The following NPEPPS variants were observed in gnomAD, a reference collection of about 807,000 sequenced individuals.
NPEPPS encodes aminopeptidase puromycin sensitive, also known as puromycin-sensitive aminopeptidase.
Under a neutral mutation model 115.5 loss-of-function variants are expected in NPEPPS, and 14 were observed. That is an observed-to-expected ratio of 0.12 (90% CI 0.08 to 0.19). NPEPPS has a LOEUF of 0.19. Ranked by LOEUF, NPEPPS falls within the 10% of genes least tolerant of loss-of-function variation. The probability of loss-of-function intolerance (pLI) is 1.00; values close to 1 mark genes in which losing one functional copy is unlikely to be tolerated. For missense variants in NPEPPS, 523 were observed against 1,110.8 expected, an observed-to-expected ratio of 0.47 and a Z score of 7.52; for synonymous variants, 285 against 390.6, an observed-to-expected ratio of 0.73 and a Z score of 3.19.
At chr17:47,540,939 C>T (rs971304893) in intron 1 of NPEPPS, among the ~76,000 whole-genome samples, 1 of 152,066 alleles carries the variant, frequency 6.6e-6, no homozygotes, top group African/African-American at 2.4e-5. Context: ...TCCCTCCCAC[C>T]CTTCCAGAAA....
At chr17:47,557,893 C>T (rs1414325922) in intron 2 of NPEPPS, among the ~76,000 whole-genome samples, 1 of 147,806 alleles carries the variant, frequency 6.8e-6, no homozygotes, top group African/African-American at 2.4e-5. Context: ...CTTTTCTCTC[C>T]TTTTCCTTGC....
chr17:47,534,516 T>C (rs1213222662), intron 1 of NPEPPS, among the ~76,000 whole-genome samples: 2 of 152,198 alleles, frequency 1.3e-5, no homozygotes, highest in Non-Finnish European at 2.9e-5. Context: ...CCCAGAGTAT[T>C]TGTGTAGGTT....
intron 21 of NPEPPS, chr17:47,619,503 G>A (rs2143990003): frequency 1.9e-6 from 1 of 538,812 alleles, no homozygotes; most frequent in Non-Finnish European, 3.3e-6. Context: ...GTGGTGAGCC[G>A]AGATGAGGTC....
chr17:47,617,394 G>C (rs987971824), intron 19 of NPEPPS, among the ~76,000 whole-genome samples: 1 of 151,862 alleles, frequency 6.6e-6, no homozygotes, highest in Non-Finnish European at 1.5e-5. Flanking sequence ...GTCTTGCTCT[G>C]TTGTCCAGAC....
intron 2 of NPEPPS, among the ~76,000 whole-genome samples, chr17:47,558,667 G>C (rs1910223854): frequency 6.6e-6 from 1 of 152,220 alleles, no homozygotes; most frequent in Admixed American, 6.5e-5. Flanking sequence ...GTCCTCAGGT[G>C]ATCTGCCTGC....
intron 17 of NPEPPS, 61 bp from the exon 18 acceptor site, chr17:47,612,399 G>T: frequency 6.4e-7 from 1 of 1,570,068 alleles, no homozygotes; most frequent in South Asian, 1.1e-5. Flanking sequence ...ATATCCAAAT[G>T]GCAAACTTAT....
intron 2 of NPEPPS, among the ~76,000 whole-genome samples, chr17:47,557,873 C>T (rs9989466): frequency 0.42 from 59,869 of 142,412 alleles, 14,917 homozygotes; most frequent in East Asian, 0.52. Context: ...CCTCATGCCC[C>T]TTTATAATCC....
At position 47,622,924 on chromosome 17, in the gene NPEPPS, G is replaced by T. The variant is rs1289449134; in HGVS notation, c.*1004G>T. On this transcript the variant is annotated 3_prime_UTR_variant, in exon 23 of 23. Coordinates refer to ENST00000322157, the MANE Select transcript of NPEPPS (RefSeq NM_006310.4). The stretch of plus-strand genomic sequence containing the variant: ...ATTTTATGCGTGCGAGAAGTCAGTG[G>T]TAACTGCTGCAGGGCTTAATACATT... The T allele has an allele frequency of 2.2e-6, 1 of 455,996 alleles. No homozygotes were observed. The highest frequency in any genetic ancestry group is 6.9e-5 in the East Asian group (1 of 14,396). 28.2% of individuals were successfully genotyped at this position (455,996 alleles called of 1,614,324 possible).
chr17:47,534,352 T>G (rs555226031), intron 1 of NPEPPS, among the ~76,000 whole-genome samples: 100 of 152,312 alleles, frequency 6.6e-4, no homozygotes, highest in Non-Finnish European at 1.3e-3. Context: ...GAGCTGGGAT[T>G]ACAGGCGTGA....
chr17:47,538,040 T>C (rs544427307), intron 1 of NPEPPS, among the ~76,000 whole-genome samples: 5 of 149,734 alleles, frequency 3.3e-5, no homozygotes, highest in African/African-American at 4.9e-5. Context: ...ATTACAGGCA[T>C]GCACCACCAC....
At chr17:47,527,356 C>A (rs1247707791), upstream of NPEPPS, among the ~76,000 whole-genome samples, 1 of 150,400 alleles carries the variant, frequency 6.6e-6, no homozygotes, top group African/African-American at 2.4e-5. Flanking sequence ...TGGTGGTGGG[C>A]ACCTGTAATC....
intron 2 of NPEPPS, among the ~76,000 whole-genome samples, chr17:47,564,608 GTGAA>G (rs1910675117): frequency 6.7e-6 from 1 of 149,618 alleles, no homozygotes; most frequent in Non-Finnish European, 1.5e-5. Flanking sequence ...AACTGTATTA[GTGAA>G]TGAATTATTC....
At chr17:47,531,106 C>T, upstream of NPEPPS, 4 of 784,248 alleles carry the variant, frequency 5.1e-6, no homozygotes, top group Non-Finnish European at 7.1e-6. Context: ...GCCGCCGCCA[C>T]CACTTCCCCC....
At chr17:47,601,865 T>C in intron 15 of NPEPPS, 118 bp downstream of exon 15, 1 of 1,081,816 alleles carries the variant, frequency 9.2e-7, no homozygotes, top group Non-Finnish European at 1.3e-6. Context: ...CTTTTCTTTG[T>C]GAAACTTAGG....
At chr17:47,611,335 G>T (rs1363188650) in intron 17 of NPEPPS, among the ~76,000 whole-genome samples, 1 of 151,602 alleles carries the variant, frequency 6.6e-6, no homozygotes, top group Non-Finnish European at 1.5e-5. Context: ...TGGCACAACC[G>T]TGTATTCCCA....
intron 2 of NPEPPS, among the ~76,000 whole-genome samples, chr17:47,559,033 A>T (rs565748090): frequency 6.4e-4 from 96 of 149,590 alleles, no homozygotes; most frequent in African/African-American, 2.3e-3. Flanking sequence ...GCGAGACTCC[A>T]TCTCAAAAAA....
intron 9 of NPEPPS, among the ~76,000 whole-genome samples, chr17:47,588,290 G>A (rs369203336): frequency 2.6e-4 from 39 of 152,100 alleles, no homozygotes; most frequent in East Asian, 1.9e-3. Context: ...GGCCGGGCAC[G>A]GTGGCTCACG....
rs113999749 is a variant in NPEPPS at position 47,555,008 on chromosome 17, C to A, written c.340+9015C>A. 8.9e-3 allele frequency among the ~76,000 whole-genome samples: 1,358 copies of A among 152,254 alleles called. 23 individuals are homozygous for A. The highest frequency in any genetic ancestry group is 0.03 in the African/African-American group (1,252 of 41,558). The stretch of plus-strand genomic sequence containing the variant: ...GAATTTTCCATTTAATATTTTCAGA[C>A]CGTAGTTGACTCTAGGCAGTTGAAA... On this transcript the variant is annotated intron_variant, in intron 2 of 22. Coordinates refer to ENST00000322157, the MANE Select transcript of NPEPPS (RefSeq NM_006310.4).
chr17:47,538,199 GTTC>G (rs1908459179), intron 1 of NPEPPS, among the ~76,000 whole-genome samples: 2 of 72,346 alleles, frequency 2.8e-5, no homozygotes, highest in South Asian at 1.1e-3. Flanking sequence ...AGCCATATCT[GTTC>G]TTTTTTTTTT....
Sources: allele counts gnomAD v4.1 joint callset (sites outside exome capture counted in the v4.1 genomes callset), GRCh38; gene constraint gnomAD v4.1.1; transcripts MANE v1.5; gene names NCBI Gene and HGNC (gene_info 2026-07-23, HGNC 2026-07-21).